The following MKLN1 variants were observed in gnomAD, a reference collection of about 807,000 sequenced individuals.
The protein encoded by MKLN1 is muskelin 1.
MKLN1 carries 18 observed loss-of-function variants against 99.0 expected under a neutral mutation model. The ratio of observed to expected loss-of-function variants is 0.18; its 90% confidence interval spans 0.13 to 0.27. The LOEUF (loss-of-function observed/expected upper bound fraction) is 0.27. MKLN1 is among the 10% of genes least tolerant of loss of function. MKLN1 has a pLI of 1.00. For synonymous variants in MKLN1, 288 were observed against 293.2 expected, an observed-to-expected ratio of 0.98 and a Z score of 0.18; for missense variants, 621 against 875.9, an observed-to-expected ratio of 0.71 and a Z score of 3.67.
At chr7:131,241,861 T>C (rs1563264178) in intron 3 of MKLN1, among the ~76,000 whole-genome samples, 1 of 152,210 alleles carries the variant, frequency 6.6e-6, no homozygotes, top group Non-Finnish European at 1.5e-5. Flanking sequence ...GTTCATTGCA[T>C]AGACCCCGCC....
chr7:131,301,783 C>T (rs1318970009), intron 3 of MKLN1, among the ~76,000 whole-genome samples: 7 of 152,148 alleles, frequency 4.6e-5, no homozygotes, highest in African/African-American at 1.2e-4. Context: ...TGTCATTCCC[C>T]AGTTCTCTCT....
At chr7:131,255,155 T>A (rs1797640687) in intron 3 of MKLN1, among the ~76,000 whole-genome samples, 1 of 152,058 alleles carries the variant, frequency 6.6e-6, no homozygotes. Context: ...GTTTCCCAGG[T>A]GGTCTCAAAT....
At chr7:131,444,848 A>C (rs1795963730) in intron 11 of MKLN1, among the ~76,000 whole-genome samples, 1 of 150,868 alleles carries the variant, frequency 6.6e-6, no homozygotes, top group Admixed American at 6.6e-5. Context: ...TGGAAGTAGG[A>C]GACAGGGCCT....
chr7:131,483,233 C>G (rs1040322983), intron 17 of MKLN1, among the ~76,000 whole-genome samples: 1 of 152,140 alleles, frequency 6.6e-6, no homozygotes, highest in African/African-American at 2.4e-5. Context: ...TAGATCCCCA[C>G]CCCTTTTTAA....
chr7:131,216,899 C>T (rs1037357805), intron 3 of MKLN1, among the ~76,000 whole-genome samples: 10 of 152,142 alleles, frequency 6.6e-5, no homozygotes, highest in Non-Finnish European at 1.3e-4. Flanking sequence ...AAACTCTGGG[C>T]CCATACCTGG....
At chr7:131,388,423 T>C (rs897169875) in intron 3 of MKLN1, among the ~76,000 whole-genome samples, 2 of 152,192 alleles carry the variant, frequency 1.3e-5, no homozygotes, top group Admixed American at 1.3e-4. Flanking sequence ...AGGTTGGCTT[T>C]GAAAATTTGT....
intron 4 of MKLN1, among the ~76,000 whole-genome samples, chr7:131,394,291 G>A (rs780035771): frequency 5.3e-5 from 8 of 151,984 alleles, no homozygotes; most frequent in Non-Finnish European, 1.2e-4. Context: ...CTTTATATCA[G>A]TGGTCCCCAA....
At chr7:131,267,274 G>A (rs1041002572) in intron 3 of MKLN1, among the ~76,000 whole-genome samples, 7 of 151,964 alleles carry the variant, frequency 4.6e-5, no homozygotes, top group African/African-American at 1.5e-4. Flanking sequence ...TGGAGGTTGC[G>A]TGAGCCAAGA....
At chr7:131,212,124 T>C (rs1796914688) in intron 3 of MKLN1, among the ~76,000 whole-genome samples, 1 of 152,270 alleles carries the variant, frequency 6.6e-6, no homozygotes, top group African/African-American at 2.4e-5. Context: ...CAGGATCCTT[T>C]CTGCTGCTGG....
intron 1 of MKLN1, among the ~76,000 whole-genome samples, chr7:131,359,856 C>T (rs1448931712): frequency 3.3e-5 from 5 of 152,102 alleles, no homozygotes; most frequent in African/African-American, 1.2e-4. Flanking sequence ...GCCTCAGCCT[C>T]CTGAGTAGCT....
chr7:131,127,179 A>G (rs58975664), intron 1 of MKLN1, among the ~76,000 whole-genome samples: 47 of 140,854 alleles, frequency 3.3e-4, no homozygotes, highest in South Asian at 4.2e-4. Context: ...AAAAAAAAAA[A>G]AAAGAAAGAA....
intron 1 of MKLN1, among the ~76,000 whole-genome samples, chr7:131,362,895 C>G (rs1800072490): frequency 2.0e-5 from 3 of 151,882 alleles, no homozygotes; most frequent in African/African-American, 7.2e-5. Flanking sequence ...TCCTGTCATT[C>G]TGGCCATACT....
At chr7:131,451,262 G>T (rs1168049808) in intron 12 of MKLN1, among the ~76,000 whole-genome samples, 1 of 151,938 alleles carries the variant, frequency 6.6e-6, no homozygotes, top group Non-Finnish European at 1.5e-5. Context: ...TTGTTCTAAA[G>T]ATTTTTTACT....
At position 131,257,554 on chromosome 7, in the gene MKLN1, C is replaced by T. The variant is rs530206947; in HGVS notation, c.-179+54580C>T. On this transcript the variant is annotated intron_variant, in intron 3 of 7. Transcript: ENST00000416992. ...GGCATTTTTCTTTGCCCTAGTCCCC[C>T]AAACCTGAATCTTGCAATTTTATCA... is the stretch of plus-strand genomic sequence containing the variant. Among the ~76,000 whole-genome samples, 200 of 152,294 alleles carry T rather than the reference C, an allele frequency of 1.3e-3. 1 individual carries two copies. The highest frequency in any genetic ancestry group is 4.2e-3 in the African/African-American group (174 of 41,570).
At chr7:131,425,033 C>T (rs1004344848) in intron 8 of MKLN1, among the ~76,000 whole-genome samples, 1 of 152,184 alleles carries the variant, frequency 6.6e-6, no homozygotes, top group African/African-American at 2.4e-5. Flanking sequence ...TTATTCATCA[C>T]ACAGTTTAAC....
chr7:131,418,350 CAA>C (rs913840517), intron 8 of MKLN1, among the ~76,000 whole-genome samples: 2 of 97,134 alleles, frequency 2.1e-5, no homozygotes, highest in African/African-American at 4.1e-5. Flanking sequence ...GCCTGGGAGA[CAA>C]GAGCAAGACT....
At chr7:131,194,580 T>C (rs2116394160) in intron 2 of MKLN1, among the ~76,000 whole-genome samples, 1 of 152,336 alleles carries the variant, frequency 6.6e-6, no homozygotes, top group African/African-American at 2.4e-5. Flanking sequence ...GGCCAGAGAA[T>C]AACCTTTGGC....
At chr7:131,283,741 G>A (rs1405153036) in intron 3 of MKLN1, among the ~76,000 whole-genome samples, 1 of 152,160 alleles carries the variant, frequency 6.6e-6, no homozygotes, top group Non-Finnish European at 1.5e-5. Flanking sequence ...CGGCCGAGAA[G>A]GCCCTTTCAT....
chr7:131,472,902 C>T (rs1025278628), intron 16 of MKLN1, among the ~76,000 whole-genome samples: 8 of 140,412 alleles, frequency 5.7e-5, no homozygotes, highest in Non-Finnish European at 6.0e-5. Context: ...GAGCTGAGAT[C>T]GTGCCACTGC....
Sources: allele counts gnomAD v4.1 joint callset (sites outside exome capture counted in the v4.1 genomes callset), GRCh38; gene constraint gnomAD v4.1.1; transcripts MANE v1.5; gene names NCBI Gene and HGNC (gene_info 2026-07-23, HGNC 2026-07-21).